The following PCDHGA4 variants were observed in gnomAD, a reference collection of about 807,000 sequenced individuals.
The protein encoded by PCDHGA4 is protocadherin gamma-A4.
Under a neutral mutation model 54.6 loss-of-function variants are expected in PCDHGA4, and 38 were observed. The ratio of observed to expected loss-of-function variants is 0.70; its 90% CI spans 0.54 to 0.91. The LOEUF is 0.91. Among genes scored for constraint, PCDHGA4 ranks in the 40% least tolerant of loss-of-function variants. PCDHGA4 has a pLI of 0.00. For synonymous variants in PCDHGA4, 511 were observed against 512.9 expected, an observed-to-expected ratio of 1.00 and a Z score of 0.05; for missense variants, 1,298 against 1,220.9, an observed-to-expected ratio of 1.06 and a Z score of -0.94.
At chr5:141,454,409 T>G (rs1221091875) in intron 1 of PCDHGA4, among the ~76,000 whole-genome samples, 1 of 152,162 alleles carries the variant, frequency 6.6e-6, no homozygotes, top group Non-Finnish European at 1.5e-5. Flanking sequence ...TTATTCCTTT[T>G]TATTTATTTA....
Position 141,490,798 on chromosome 5 carries a change from C to A in PCDHGA4, c.2515-4009C>A. 2 of 1,613,926 alleles carry A rather than the reference C, an allele frequency of 1.2e-6. No individual in the cohort carries two copies. Among genetic ancestry groups the A allele is most frequent in the South Asian group, 2.2e-5 (2 of 91,074 alleles). ...AGAGGATGGACGGATCTTTGCCCAG[C>A]GTACCTTTGACTATGAATTGCTGCA... On this transcript the variant is annotated intron_variant, in intron 1 of 3. Transcript: ENST00000571252. This position sits in a 1 kb window ranked among gnomAD's most constrained non-coding sequence, Gnocchi z 5.4.
intron 1 of PCDHGA4, among the ~76,000 whole-genome samples, chr5:141,430,358 C>T (rs2097275535): frequency 6.7e-6 from 1 of 149,028 alleles, no homozygotes; most frequent in South Asian, 2.1e-4. Flanking sequence ...TTTAAAAGCT[C>T]ATTGGGGAAA....
chr5:141,442,797 G>A (rs140116155), intron 1 of PCDHGA4, among the ~76,000 whole-genome samples: 1,916 of 152,222 alleles, frequency 0.013, 22 homozygotes, highest in Non-Finnish European at 0.02. Context: ...ATTTTACTTT[G>A]ATATTCAAAT....
At chr5:141,394,688 G>A (rs770742323) in intron 1 of PCDHGA4, 3 of 1,611,882 alleles carry the variant, frequency 1.9e-6, no homozygotes, top group Middle Eastern at 1.7e-4. Flanking sequence ...ACACGGGCGA[G>A]GTGCGCACGG....
chr5:141,431,536 G>T lies in PCDHGA4; in HGVS notation c.2515-63271G>T. Reference sequence around the variant, plus strand: ...TTCCGGAGAATCTGGCCTTGGGCACGCAGCTGCTTGTAGTCAACGCTACCG... The same window carrying T: ...TTCCGGAGAATCTGGCCTTGGGCACTCAGCTGCTTGTAGTCAACGCTACCG... On this transcript the variant is annotated intron_variant, in intron 1 of 3. Coordinates refer to ENST00000571252, the MANE Select transcript of PCDHGA4 (RefSeq NM_018917.4). The surrounding 1 kb of genome is among the most constrained non-coding windows in gnomAD (Gnocchi z 4.8). 6.2e-7 allele frequency: 1 copy of T among 1,614,068 alleles called. No homozygotes were observed. Among genetic ancestry groups the T allele is most frequent in the Non-Finnish European group, 8.5e-7 (1 of 1,180,022 alleles).
chr5:141,375,886 C>G lies in PCDHGA4; in HGVS notation c.2514+18265C>G, dbSNP rs1772014955. The G allele has an allele frequency of 1.2e-6, 2 of 1,613,822 alleles. No homozygotes were observed. Among genetic ancestry groups the G allele is most frequent in the Non-Finnish European group, 8.5e-7 (1 of 1,180,024 alleles). On this transcript the variant is annotated intron_variant, in intron 1 of 3. Coordinates refer to ENST00000571252, the MANE Select transcript of PCDHGA4 (RefSeq NM_018917.4). ...CGGTGGACAGAGACTCGGGCCAGAACGCCTGGCTGTCCTACCGCCTGCTCA... is the reference window on the plus strand; with the variant it reads ...CGGTGGACAGAGACTCGGGCCAGAAGGCCTGGCTGTCCTACCGCCTGCTCA...
chr5:141,376,508 G>A (rs1267982619), intron 1 of PCDHGA4: 1 of 1,614,020 alleles, frequency 6.2e-7, no homozygotes, highest in South Asian at 1.1e-5. Context: ...GCAACTTCAG[G>A]TGAGTTTCTT....
chr5:141,418,093 C>A, intron 1 of PCDHGA4: 2 of 1,614,032 alleles, frequency 1.2e-6, no homozygotes, highest in Non-Finnish European at 1.7e-6. Context: ...TCAGCGTAGA[C>A]GCGCAGAGCG....
At chr5:141,469,111 T>TA (rs1275770294) in intron 1 of PCDHGA4, among the ~76,000 whole-genome samples, 1 of 151,476 alleles carries the variant, frequency 6.6e-6, no homozygotes, top group African/African-American at 2.4e-5. Context: ...AACCTGTCTC[T>TA]AAAAAAATTT....
At chr5:141,371,175 G>T (rs753971437) in intron 1 of PCDHGA4, 1 of 1,614,004 alleles carries the variant, frequency 6.2e-7, no homozygotes, top group South Asian at 1.1e-5. Flanking sequence ...TGGCTCCTCC[G>T]TATTAAAAGT....
At position 141,431,574 on chromosome 5, in the gene PCDHGA4, G is replaced by T. The variant is rs1476143491; in HGVS notation, c.2515-63233G>T. The T allele has an allele frequency of 6.2e-7, 1 of 1,614,196 alleles. No homozygotes were observed. Among genetic ancestry groups the T allele is most frequent in the Admixed American group, 1.7e-5 (1 of 60,034 alleles). On this transcript the variant is annotated intron_variant, in intron 1 of 3. Transcript: ENST00000571252. This position sits in a 1 kb window ranked among gnomAD's most constrained non-coding sequence, Gnocchi z 4.8. The stretch of plus-strand genomic sequence containing the variant: ...GTCAACGCTACCGACCCTGACGAAG[G>T]AGTCAATGCGGAAGTGAGGTATTCC...
At position 141,431,123 on chromosome 5, in the gene PCDHGA4, GAAGT is replaced by G. The variant is rs751548736; in HGVS notation, c.2515-63680_2515-63677del. The G allele has an allele frequency of 1.2e-6, 2 of 1,614,100 alleles. No individual in the cohort carries two copies. The highest frequency in any genetic ancestry group is 3.3e-5 in the Admixed American group (2 of 60,014). On this transcript the variant is annotated intron_variant, in intron 1 of 3. Transcript: ENST00000571252. This position sits in a 1 kb window ranked among gnomAD's most constrained non-coding sequence, Gnocchi z 4.8. ...AGTGAAAATATATGGAGTAGAAGTA[GAAGT>G]AAGGGACATTAACGACAATGCGCCT... is the stretch of plus-strand genomic sequence containing the variant.
intron 1 of PCDHGA4, chr5:141,372,279 G>A: frequency 6.2e-7 from 1 of 1,613,176 alleles, no homozygotes; most frequent in Middle Eastern, 1.7e-4. Context: ...GGTGCGCACG[G>A]CGCGTACCTT....
intron 1 of PCDHGA4, chr5:141,413,527 G>A (rs768496934): frequency 1.2e-6 from 2 of 1,613,938 alleles, no homozygotes; most frequent in Non-Finnish European, 1.7e-6. Flanking sequence ...GGAAGACAGG[G>A]TGAAACTTTT....
intron 1 of PCDHGA4, among the ~76,000 whole-genome samples, chr5:141,445,531 C>A (rs1476079791): frequency 6.6e-6 from 1 of 152,136 alleles, no homozygotes; most frequent in Non-Finnish European, 1.5e-5. Flanking sequence ...TGATAAAAGC[C>A]AACAAGGAGA....
Position 141,505,350 on chromosome 5 carries a change from G to A in PCDHGA4, c.2574-43G>A, listed in dbSNP as rs367663588. ...AGAGGACAGGAGGGGCATGAGCTGT[G>A]CCGGCCTGGGAGTCTGTGCTCACCA... On this transcript the variant is annotated intron_variant, in intron 2 of 3. Transcript: ENST00000571252. The A allele has an allele frequency of 4.3e-6, 7 of 1,613,264 alleles. No homozygotes were observed. In the African/African-American group the frequency reaches 6.7e-5, roughly 15 times the overall value.
intron 3 of PCDHGA4, among the ~76,000 whole-genome samples, chr5:141,509,050 C>T (rs867585045): frequency 1.6e-4 from 25 of 152,304 alleles, no homozygotes; most frequent in Admixed American, 5.2e-4. Flanking sequence ...CCCCCGCCCC[C>T]AGAAAGCTCT....
intron 1 of PCDHGA4, chr5:141,384,102 T>G (rs1156310174): frequency 1.3e-6 from 2 of 1,599,484 alleles, no homozygotes; most frequent in Admixed American, 3.4e-5. Flanking sequence ...TAGATAATTA[T>G]TATAGATTGG....
chr5:141,385,041 C>T, intron 1 of PCDHGA4: 1 of 1,614,174 alleles, frequency 6.2e-7, no homozygotes, highest in Non-Finnish European at 8.5e-7. Flanking sequence ...TGCTGGCGCT[C>T]AGGCTGCGGC....
Sources: allele counts gnomAD v4.1 joint callset (sites outside exome capture counted in the v4.1 genomes callset), GRCh38; gene constraint gnomAD v4.1.1; non-coding constraint Gnocchi (gnomAD v3.1); transcripts MANE v1.5; gene names NCBI Gene and HGNC (gene_info 2026-07-23, HGNC 2026-07-21).